TOX: variants seen among roughly 807,000 people sequenced by gnomAD.
TOX encodes the protein thymocyte selection associated high mobility group box, also known as thymocyte selection-associated high mobility group box protein TOX.
Under a neutral mutation model 53.7 loss-of-function variants are expected in TOX, and 11 were observed. The ratio of observed to expected loss-of-function variants is 0.20; its 90% CI spans 0.13 to 0.34. The LOEUF (loss-of-function observed/expected upper bound fraction) is 0.34. Ranked by LOEUF, TOX falls within the 10% of genes least tolerant of loss-of-function variation. The pLI is 1.00. For missense variants in TOX, 570 were observed against 664.6 expected, an observed-to-expected ratio of 0.86 and a Z score of 1.56; for synonymous variants, 225 against 245.3, an observed-to-expected ratio of 0.92 and a Z score of 0.77.
chr8:58,971,891 A>G (rs1051883791), intron 1 of TOX, among the ~76,000 whole-genome samples: 1 of 152,216 alleles, frequency 6.6e-6, no homozygotes, highest in Non-Finnish European at 1.5e-5. Flanking sequence ...GGATTTCACC[A>G]TAATGGCCAG....
At chr8:59,033,542 A>C (rs1437582641) in intron 1 of TOX, among the ~76,000 whole-genome samples, 3 of 152,208 alleles carry the variant, frequency 2.0e-5, no homozygotes, top group African/African-American at 7.2e-5. Context: ...ATATTATGTG[A>C]ATTTTTCCAC....
At chr8:58,975,638 C>G (rs1210052501) in intron 1 of TOX, among the ~76,000 whole-genome samples, 1 of 152,134 alleles carries the variant, frequency 6.6e-6, no homozygotes, top group Non-Finnish European at 1.5e-5. Flanking sequence ...CATTTTATTG[C>G]TAAGAAATGC....
At chr8:59,086,310 A>G (rs1244192233) in intron 1 of TOX, among the ~76,000 whole-genome samples, 3 of 151,998 alleles carry the variant, frequency 2.0e-5, no homozygotes, top group Non-Finnish European at 4.4e-5. Flanking sequence ...ATTAAACCTT[A>G]TTTGACTCTT....
chr8:58,935,179 T>C lies in TOX; in HGVS notation c.411+4123A>G, dbSNP rs532128654. 2.0e-5 allele frequency among the ~76,000 whole-genome samples: 3 copies of C among 152,294 alleles called. No individual in the cohort carries two copies. The East Asian group carries it at 5.8e-4, about 29-fold the overall frequency. ...TTTCAGTAAATGACATACATTATAA[T>C]AATTGATATATAAGTAACACATCTA... On this transcript the variant is annotated intron_variant, in intron 3 of 8. Transcript: ENST00000361421.
chr8:58,977,774 C>T (rs1474790837), intron 1 of TOX, among the ~76,000 whole-genome samples: 1 of 152,118 alleles, frequency 6.6e-6, no homozygotes, highest in Non-Finnish European at 1.5e-5. Context: ...GGTCAGAACA[C>T]ACACATTTAT....
intron 1 of TOX, among the ~76,000 whole-genome samples, chr8:59,104,446 C>A (rs1300867850): frequency 4.6e-5 from 7 of 152,140 alleles, no homozygotes. Flanking sequence ...CAGCCTTTCA[C>A]TCGAGTTTTT....
intron 4 of TOX, among the ~76,000 whole-genome samples, chr8:58,840,691 G>A (rs899150599): frequency 6.6e-6 from 1 of 152,146 alleles, no homozygotes; most frequent in Non-Finnish European, 1.5e-5. Context: ...GCTACCTATG[G>A]CCATATTTTT....
At chr8:59,005,140 G>A (rs1294196119) in intron 1 of TOX, among the ~76,000 whole-genome samples, 16 of 151,942 alleles carry the variant, frequency 1.1e-4, no homozygotes, top group Middle Eastern at 3.4e-3. Flanking sequence ...CCGGGTTCAC[G>A]CCATTCTCCT....
At chr8:58,958,825 C>A (rs1003231956) in intron 2 of TOX, among the ~76,000 whole-genome samples, 3 of 152,168 alleles carry the variant, frequency 2.0e-5, no homozygotes, top group African/African-American at 7.2e-5. Flanking sequence ...CTAATGACTT[C>A]TAAATGCAAA....
intron 1 of TOX, among the ~76,000 whole-genome samples, chr8:59,033,010 G>A (rs1814387523): frequency 6.6e-6 from 1 of 150,460 alleles, no homozygotes; most frequent in African/African-American, 2.5e-5. Context: ...CTCCATCCTG[G>A]GCCACAGAGT....
At chr8:58,955,075 T>C (rs1411898260) in intron 2 of TOX, among the ~76,000 whole-genome samples, 4 of 152,206 alleles carry the variant, frequency 2.6e-5, no homozygotes, top group Non-Finnish European at 5.9e-5. Flanking sequence ...ATTCAAAATG[T>C]ACTTTAGGAA....
intron 3 of TOX, among the ~76,000 whole-genome samples, chr8:58,913,425 G>T (rs1811941856): frequency 6.6e-6 from 1 of 152,236 alleles, no homozygotes; most frequent in Non-Finnish European, 1.5e-5. Flanking sequence ...TGTAAATGTG[G>T]GAAGTGATAC....
At chr8:58,808,044 A>G in intron 8 of TOX, 74 bp downstream of exon 8, 2 of 1,532,808 alleles carry the variant, frequency 1.3e-6, no homozygotes, top group Admixed American at 4.1e-5. Context: ...TGGAAACAAG[A>G]GAACGATCAA....
At chr8:59,104,708 T>C (rs1012361233) in intron 1 of TOX, among the ~76,000 whole-genome samples, 1 of 152,228 alleles carries the variant, frequency 6.6e-6, no homozygotes, top group African/African-American at 2.4e-5. Context: ...TGAGTTATCA[T>C]AGATCATTTT....
chr8:59,025,528 C>T (rs1252300404), intron 1 of TOX, among the ~76,000 whole-genome samples: 2 of 152,088 alleles, frequency 1.3e-5, no homozygotes, highest in African/African-American at 4.8e-5. Context: ...GGGATCCCAA[C>T]CTACACTTCT....
chr8:58,956,892 C>T (rs1812718559), intron 2 of TOX, among the ~76,000 whole-genome samples: 2 of 152,350 alleles, frequency 1.3e-5, no homozygotes, highest in Admixed American at 1.3e-4. Context: ...GGATTACAGG[C>T]ATGAGCCACC....
At chr8:59,051,730 C>A (rs1305375818) in intron 1 of TOX, among the ~76,000 whole-genome samples, 3 of 152,032 alleles carry the variant, frequency 2.0e-5, no homozygotes, top group Non-Finnish European at 2.9e-5. Context: ...TTTAAAAATA[C>A]CTGTTGGATG....
intron 1 of TOX, among the ~76,000 whole-genome samples, chr8:59,098,850 T>G (rs1185305377): frequency 1.3e-5 from 2 of 152,186 alleles, no homozygotes; most frequent in Non-Finnish European, 2.9e-5. Flanking sequence ...AGGGAAACAT[T>G]GGAGAAATGC....
intron 1 of TOX, among the ~76,000 whole-genome samples, chr8:59,074,468 G>A (rs1804257107): frequency 1.3e-5 from 2 of 152,102 alleles, no homozygotes; most frequent in Admixed American, 1.3e-4. Context: ...GAGGTACCTC[G>A]TAAGATATGC....
Sources: gnomAD v4.1 joint callset for allele counts (sites outside exome capture counted in the v4.1 genomes callset) on GRCh38, gnomAD v4.1.1 for gene constraint, MANE v1.5 for transcripts, NCBI Gene and HGNC (gene_info 2026-07-23, HGNC 2026-07-21) for gene names.